The following SLC15A1 variants were observed in gnomAD, a reference collection of about 807,000 sequenced individuals.
SLC15A1 encodes solute carrier family 15 member 1, also known as Caco-2 oligopeptide transporter.
SLC15A1 carries 83 observed loss-of-function variants against 92.9 expected under a neutral mutation model. That is an observed-to-expected ratio of 0.89 (90% CI 0.75 to 1.07). The LOEUF (loss-of-function observed/expected upper bound fraction) is 1.07. Ranked by LOEUF, SLC15A1 falls within the 50% of genes least tolerant of loss-of-function variation. SLC15A1 has a pLI of 0.00. For missense variants in SLC15A1, 857 were observed against 880.1 expected (o/e 0.97, Z 0.33); for synonymous variants, 322 against 318.2 (o/e 1.01, Z -0.13).
intron 18 of SLC15A1, among the ~76,000 whole-genome samples, chr13:98,694,169 A>C (rs2088004502): frequency 6.6e-6 from 1 of 152,196 alleles, no homozygotes; most frequent in Non-Finnish European, 1.5e-5. Context: ...AATTATGGTC[A>C]ATTATGCCCC....
At chr13:98,733,975 T>G (rs980027683) in intron 1 of SLC15A1, among the ~76,000 whole-genome samples, 2 of 152,160 alleles carry the variant, frequency 1.3e-5, no homozygotes, top group Non-Finnish European at 2.9e-5. Flanking sequence ...TTATTTTATT[T>G]TATTTTTTGA....
At chr13:98,718,558 T>C (rs1245280247) in intron 8 of SLC15A1, among the ~76,000 whole-genome samples, 3 of 152,060 alleles carry the variant, frequency 2.0e-5, no homozygotes, top group Admixed American at 1.3e-4. Context: ...GTCTCATGCC[T>C]GTAATCCCAG....
intron 1 of SLC15A1, among the ~76,000 whole-genome samples, chr13:98,746,254 T>G (rs184194565): frequency 6.6e-6 from 1 of 152,242 alleles, no homozygotes; most frequent in Non-Finnish European, 1.5e-5. Flanking sequence ...ATGTACCACA[T>G]TTTCTTTAGT....
intron 1 of SLC15A1, among the ~76,000 whole-genome samples, chr13:98,744,616 G>A (rs980399259): frequency 1.8e-4 from 28 of 151,988 alleles, no homozygotes; most frequent in African/African-American, 6.5e-4. Context: ...GGGCGTGGTG[G>A]CATGTGCCTG....
intron 1 of SLC15A1, among the ~76,000 whole-genome samples, chr13:98,729,654 G>A (rs1197032461): frequency 6.6e-6 from 1 of 152,148 alleles, no homozygotes; most frequent in Non-Finnish European, 1.5e-5. Flanking sequence ...CTCCCACATC[G>A]TTTCCCTCTG....
Position 98,721,790 on chromosome 13 carries a change from G to T in SLC15A1, c.465+14C>A, listed in dbSNP as rs371792096. ...GTTCATTCACGTGGGCTCTGGGGAG[G>T]CCCCTACCCTTACCTGGCCCTCTTC... On this transcript the variant is annotated intron_variant, in intron 6 of 22. Coordinates refer to ENST00000376503, the MANE Select transcript of SLC15A1 (RefSeq NM_005073.4). 711 of 1,610,986 alleles carry T rather than the reference G, an allele frequency of 4.4e-4. 1 individual carries two copies. The highest frequency in any genetic ancestry group is 5.7e-4 in the Admixed American group (34 of 59,808).
intron 18 of SLC15A1, among the ~76,000 whole-genome samples, chr13:98,700,908 T>C (rs1326009482): frequency 2.6e-5 from 4 of 152,228 alleles, no homozygotes; most frequent in African/African-American, 9.6e-5. Context: ...TCTTTGCCAA[T>C]ACCATTTTGT....
chr13:98,699,450 T>C (rs535155448), intron 18 of SLC15A1, among the ~76,000 whole-genome samples: 22 of 152,346 alleles, frequency 1.4e-4, no homozygotes, highest in African/African-American at 4.6e-4. Context: ...GCATTTGAAA[T>C]GCATTCACAT....
chr13:98,692,519 T>C (rs2139564219), intron 18 of SLC15A1, among the ~76,000 whole-genome samples: 1 of 152,300 alleles, frequency 6.6e-6, no homozygotes, highest in Middle Eastern at 3.4e-3. Flanking sequence ...ATGCCCTACT[T>C]TGCTGATGTC....
rs1414461456 is a variant in SLC15A1, at chr13:98,702,394, T to A, written c.1466+86A>T. 11 of 923,900 alleles carry A rather than the reference T, an allele frequency of 1.2e-5. No homozygotes were observed. In the Admixed American group the frequency reaches 1.5e-4, roughly 12 times the overall value. 57.2% of individuals were successfully genotyped at this position (923,900 alleles called of 1,614,324 possible). A position where few individuals can be genotyped will look rare whatever the true frequency, so the allele number is the denominator to read the frequency against. ...ACAAACCCTATAATCTCATTTTATATCCTTGTTACATTTGGACTTTACTAT... is the reference window on the plus strand; with the variant it reads ...ACAAACCCTATAATCTCATTTTATAACCTTGTTACATTTGGACTTTACTAT... On this transcript the variant is annotated intron_variant, in intron 18 of 22. Coordinates refer to ENST00000376503, the MANE Select transcript of SLC15A1 (RefSeq NM_005073.4).
chr13:98,708,742 T>C lies in SLC15A1; in HGVS notation c.1093A>G (p.Met365Val), dbSNP rs762545132. 10 of 1,612,170 alleles carry C rather than the reference T, an allele frequency of 6.2e-6. No homozygotes were observed. The Admixed American group carries it at 1.7e-4, about 27-fold the overall frequency. Residue 365 changes from methionine (M) to valine (V), a missense_variant, in exon 15 of 23, where the codon ATG (methionine) becomes GTG (valine). Physicochemically the swap from Met to Val is conservative, Grantham distance 21 (BLOSUM62 1). Transcript: ENST00000376503. ...ACAAAGGCCATGGAGGCCAGGACCA[T>C]GCCAACTGCCATCTTCTTCAAGGAG... ...FTSLKKMAVG[M>V]VLASMAFVVA...
At chr13:98,689,100 C>G (rs1347385758) in intron 18 of SLC15A1, among the ~76,000 whole-genome samples, 1 of 152,150 alleles carries the variant, frequency 6.6e-6, no homozygotes, top group South Asian at 2.1e-4. Context: ...CCACCACACC[C>G]GGCTCATTTT....
At chr13:98,722,927 A>C (rs775739692) in intron 5 of SLC15A1, among the ~76,000 whole-genome samples, 1 of 152,210 alleles carries the variant, frequency 6.6e-6, no homozygotes, top group East Asian at 1.9e-4. Flanking sequence ...CTTGTCAGGC[A>C]GTGTTCTAGG....
At position 98,696,711 on chromosome 13, in the gene SLC15A1, T is replaced by A. The variant is rs936130089; in HGVS notation, c.1466+5769A>T. On this transcript the variant is annotated intron_variant, in intron 18 of 22. Transcript: ENST00000376503. ...GAGCACGTGTGGGGGACAGGAATGA[T>A]CCCAGAGAGGTGGGAGAAGGGGTGA... Among the ~76,000 whole-genome samples, 45 of 151,994 alleles carry A rather than the reference T, an allele frequency of 3.0e-4. 1 individual carries two copies. The highest frequency in any genetic ancestry group is 2.8e-3 in the Admixed American group (43 of 15,272).
intron 1 of SLC15A1, among the ~76,000 whole-genome samples, chr13:98,733,109 G>A (rs914285422): frequency 9.2e-5 from 14 of 152,150 alleles, no homozygotes; most frequent in Non-Finnish European, 2.1e-4. Flanking sequence ...TGGTGGCCTG[G>A]AGAAGCTGGA....
chr13:98,727,585 C>T (rs780029135), intron 1 of SLC15A1, among the ~76,000 whole-genome samples: 21 of 152,274 alleles, frequency 1.4e-4, no homozygotes, highest in Admixed American at 3.3e-4. Flanking sequence ...AGCTGGTGCA[C>T]GTCAAGTCCA....
intron 8 of SLC15A1, among the ~76,000 whole-genome samples, chr13:98,716,171 A>T (rs562225608): frequency 2.6e-5 from 4 of 152,312 alleles, no homozygotes; most frequent in African/African-American, 9.6e-5. Flanking sequence ...TTGTCTTCTA[A>T]TATGCAACCT....
intron 18 of SLC15A1, among the ~76,000 whole-genome samples, chr13:98,693,389 C>A (rs546456913): frequency 6.6e-6 from 1 of 152,118 alleles, no homozygotes; most frequent in Non-Finnish European, 1.5e-5. Context: ...TGAGCCACTG[C>A]GACTGGCCTA....
chr13:98,719,312 AT>A lies in SLC15A1; in HGVS notation c.564del (p.Gln188HisfsTer24), dbSNP rs2088236176. ...TIITPMLRVQ[Q>X]CGIHSKQACY... Reference sequence around the variant, plus strand: ...CAAGCTTGTTTACTGTGAATTCCACATTGTTGAACTGGGGAGAAATGACAAG... The same window carrying A: ...CAAGCTTGTTTACTGTGAATTCCACATGTTGAACTGGGGAGAAATGACAAG... On this transcript the variant is annotated frameshift_variant, in exon 8 of 23. Coordinates refer to ENST00000376503, the MANE Select transcript of SLC15A1 (RefSeq NM_005073.4). LOFTEE classifies it high-confidence loss of function. 6.2e-7 allele frequency: 1 copy of A among 1,612,852 alleles called. No homozygotes were observed. Among genetic ancestry groups the A allele is most frequent in the African/African-American group, 1.3e-5 (1 of 75,018 alleles).
Sources: gnomAD v4.1 joint callset for allele counts (sites outside exome capture counted in the v4.1 genomes callset) on GRCh38, gnomAD v4.1.1 for gene constraint, MANE v1.5 for transcripts, NCBI Gene and HGNC (gene_info 2026-07-23, HGNC 2026-07-21) for gene names.